Variants in NRP2 observed in about 807,000 individuals in gnomAD.
The protein encoded by NRP2 is neuropilin-2.
Under a neutral mutation model 110.4 loss-of-function variants are expected in NRP2, and 52 were observed. The ratio of observed to expected loss-of-function variants is 0.47; its 90% CI spans 0.38 to 0.59. NRP2 has a LOEUF of 0.59. NRP2 is among the 20% of genes least tolerant of loss of function. NRP2 has a pLI of 0.00. For missense variants in NRP2, 1,049 were observed against 1,203.0 expected (o/e 0.87, Z 1.89); for synonymous variants, 508 against 468.9 (o/e 1.08, Z -1.08).
In NRP2 at chr2:205,716,313, C is replaced by T. The variant is rs1272438445; in HGVS notation, c.372C>T (p.Phe124=). The part of the protein sequence containing the change: ...ISSGSMLYIK[F]TSDYARQGAG... ...CGGGCTCCATGCTCTACATCAAGTTCACCTCCGACTACGCCCGGCAGGGGG... is the reference window on the plus strand; with the variant it reads ...CGGGCTCCATGCTCTACATCAAGTTTACCTCCGACTACGCCCGGCAGGGGG... The change falls in exon 3 of 17, where the codon TTC becomes TTT. Residue 124 remains phenylalanine (F), a synonymous_variant. Coordinates refer to ENST00000357785, the MANE Select transcript of NRP2 (RefSeq NM_003872.3). The T allele has an allele frequency of 1.2e-6, 2 of 1,614,168 alleles. No homozygotes were observed. Among genetic ancestry groups the T allele is most frequent in the Non-Finnish European group, 1.7e-6 (2 of 1,180,044 alleles).
intron 15 of NRP2, among the ~76,000 whole-genome samples, chr2:205,786,406 A>G (rs547831362): frequency 6.6e-6 from 1 of 152,218 alleles, no homozygotes; most frequent in Non-Finnish European, 1.5e-5. Context: ...GAAACTTGGA[A>G]TCAAGTTCAA....
At chr2:205,715,810 G>C (rs766560766) in intron 2 of NRP2, among the ~76,000 whole-genome samples, 1 of 152,132 alleles carries the variant, frequency 6.6e-6, no homozygotes, top group Non-Finnish European at 1.5e-5. Context: ...ATGCTCAAAG[G>C]GGTTCAGCAG....
chr2:205,750,147 A>G (rs756166598), intron 11 of NRP2, among the ~76,000 whole-genome samples: 1 of 152,210 alleles, frequency 6.6e-6, no homozygotes, highest in Non-Finnish European at 1.5e-5. Flanking sequence ...AGCCCTCACT[A>G]TCTTGCTTGT....
chr2:205,746,848 G>C lies in NRP2; in HGVS notation c.1786+958G>C, dbSNP rs374385152. 2.3e-4 allele frequency among the ~76,000 whole-genome samples: 35 copies of C among 152,340 alleles called. 1 individual carries two copies. The East Asian group carries it at 5.2e-3, about 23-fold the overall frequency. ...GGAGAAAAATGCTGCCTGTATGCTGGCTACAGCAGCGCAGAGGAGCCCTGT... is the reference window on the plus strand; with the variant it reads ...GGAGAAAAATGCTGCCTGTATGCTGCCTACAGCAGCGCAGAGGAGCCCTGT... On this transcript the variant is annotated intron_variant, in intron 10 of 16. Transcript: ENST00000357785.
intron 3 of NRP2, chr2:205,722,165 T>TCC (rs1332297394): frequency 5.9e-6 from 2 of 337,574 alleles, no homozygotes; most frequent in South Asian, 2.9e-5. Context: ...TCTCTCTCTC[T>TCC]CTCTCATACA....
chr2:205,767,264 C>G lies in NRP2; in HGVS notation c.2425+461C>G, dbSNP rs1168641770. On this transcript the variant is annotated intron_variant, in intron 15 of 16. Transcript: ENST00000357785. The stretch of plus-strand genomic sequence containing the variant: ...CCAAGGCAGCGGTTTCAGTTAACCA[C>G]AGAGCCGAGGGGCTTCTGTGTACAG... The G allele has an allele frequency of 2.7e-5, 9 of 339,234 alleles. 1 individual carries two copies. Among genetic ancestry groups the G allele is most frequent in the South Asian group, 1.4e-4 (6 of 43,170 alleles). The allele number at this position is 339,234 out of a possible 1,614,324, so 21.0% of individuals were successfully genotyped here.
intron 12 of NRP2, among the ~76,000 whole-genome samples, chr2:205,756,016 TTTTTCCTTTCC>T (rs1199332699): frequency 5.3e-5 from 8 of 152,332 alleles, no homozygotes; most frequent in Middle Eastern, 3.4e-3. Context: ...TCTTTCTTTT[TTTTTCCTTTCC>T]TTTTCCTTTT....
chr2:205,688,004 G>A (rs1021620050), intron 1 of NRP2, among the ~76,000 whole-genome samples: 9 of 152,166 alleles, frequency 5.9e-5, no homozygotes, highest in East Asian at 3.8e-4. Context: ...GACTCAGGAT[G>A]ACCTGAGTGT....
intron 7 of NRP2, among the ~76,000 whole-genome samples, chr2:205,730,826 G>A (rs189467606): frequency 2.0e-5 from 3 of 152,350 alleles, no homozygotes; most frequent in African/African-American, 7.2e-5. Flanking sequence ...GACCCAGACG[G>A]GGCTGAGGCA....
intron 15 of NRP2, among the ~76,000 whole-genome samples, chr2:205,768,783 C>G (rs80254397): frequency 6.6e-6 from 1 of 152,160 alleles, no homozygotes; most frequent in African/African-American, 2.4e-5. Flanking sequence ...CCATGGCTTT[C>G]GTCCTGGAGG....
intron 2 of NRP2, 54 bp downstream of exon 2, chr2:205,697,775 G>A (rs2056466146): frequency 6.5e-7 from 1 of 1,529,152 alleles, no homozygotes; most frequent in South Asian, 1.1e-5. Flanking sequence ...CACACGCCCT[G>A]CCCCCACCCC....
At chr2:205,758,516 C>T (rs1050415236) in intron 12 of NRP2, among the ~76,000 whole-genome samples, 1 of 152,186 alleles carries the variant, frequency 6.6e-6, no homozygotes, top group African/African-American at 2.4e-5. Flanking sequence ...GAGACCTTTC[C>T]AGAGACAGCA....
At chr2:205,694,785 A>G (rs1490852301) in intron 1 of NRP2, among the ~76,000 whole-genome samples, 1 of 152,216 alleles carries the variant, frequency 6.6e-6, no homozygotes, top group Admixed American at 6.5e-5. Flanking sequence ...TGTGTCCCCA[A>G]CCCTAGAAAG....
intron 15 of NRP2, among the ~76,000 whole-genome samples, chr2:205,783,006 G>A (rs997968330): frequency 3.3e-5 from 5 of 152,104 alleles, no homozygotes; most frequent in South Asian, 2.1e-4. Context: ...GAGGTTTGCC[G>A]TTTAAAATTA....
chr2:205,743,725 C>T (rs2057487464), intron 9 of NRP2, 173 bp downstream of exon 9: 3 of 1,310,526 alleles, frequency 2.3e-6, no homozygotes, highest in Non-Finnish European at 3.0e-6. Context: ...GTGCTAAATA[C>T]CTTATTTCTG....
chr2:205,780,744 G>A (rs147249995), intron 15 of NRP2, among the ~76,000 whole-genome samples: 1 of 152,300 alleles, frequency 6.6e-6, no homozygotes, highest in African/African-American at 2.4e-5. Context: ...TCCAAACCTA[G>A]ATCCAGGAAG....
intron 14 of NRP2, 63 bp from the exon 15 acceptor site, chr2:205,766,718 ACT>A: frequency 7.2e-7 from 1 of 1,389,610 alleles, no homozygotes; most frequent in East Asian, 2.3e-5. Context: ...CCAATTATTC[ACT>A]CTATGTTCAC....
At chr2:205,752,284 A>C (rs1009606172) in intron 11 of NRP2, among the ~76,000 whole-genome samples, 1 of 152,204 alleles carries the variant, frequency 6.6e-6, no homozygotes, top group Non-Finnish European at 1.5e-5. Flanking sequence ...AGTCTTCAGA[A>C]ATAGAGACGG....
chr2:205,683,171 G>T lies in NRP2; in HGVS notation c.-120G>T. 1.3e-6 allele frequency: 1 copy of T among 747,306 alleles called. No homozygotes were observed. The highest frequency in any genetic ancestry group is 2.3e-6 in the Non-Finnish European group (1 of 432,658). The allele number at this position is 747,306 out of a possible 1,614,324, so 46.3% of individuals were successfully genotyped here. On this transcript the variant is annotated 5_prime_UTR_variant, in exon 1 of 17. Transcript: ENST00000357785. ...AGCCACCAGGACTCAGGAGGGAAAC[G>T]CTGACCATTAGAAACCTCTGCATAA...
Sources: allele counts gnomAD v4.1 joint callset (sites outside exome capture counted in the v4.1 genomes callset), GRCh38; gene constraint gnomAD v4.1.1; transcripts MANE v1.5; gene names NCBI Gene and HGNC (gene_info 2026-07-23, HGNC 2026-07-21).